Variants in PRICKLE2 observed in about 807,000 individuals in gnomAD.
The protein encoded by PRICKLE2 is prickle-like protein 2.
A neutral mutation model predicts 81.4 loss-of-function variants in PRICKLE2; 21 were observed. The observed-to-expected ratio is 0.26, with a 90% CI of 0.18 to 0.37. The LOEUF (loss-of-function observed/expected upper bound fraction) is 0.37, where lower values mean the gene tolerates loss of function less well. PRICKLE2 is among the 10% of genes least tolerant of loss of function. The pLI is 1.00. For synonymous variants in PRICKLE2, 456 were observed against 421.5 expected (o/e 1.08, Z -1.00); for missense variants, 940 against 1,109.0 (o/e 0.85, Z 2.16).
chr3:64,122,494 T>G (rs1026884156), intron 7 of PRICKLE2, among the ~76,000 whole-genome samples: 3 of 152,176 alleles, frequency 2.0e-5, no homozygotes, highest in Non-Finnish European at 4.4e-5. Context: ...TTCAGTTGAT[T>G]TTGATGCCTT....
chr3:64,208,410 C>T (rs561069189), intron 1 of PRICKLE2, among the ~76,000 whole-genome samples: 5 of 152,292 alleles, frequency 3.3e-5, no homozygotes, highest in South Asian at 2.1e-4. Flanking sequence ...ATACATCCCT[C>T]GCAAAAGGGG....
chr3:64,206,833 G>A (rs2078696102), intron 1 of PRICKLE2, among the ~76,000 whole-genome samples: 1 of 152,180 alleles, frequency 6.6e-6, no homozygotes, highest in Admixed American at 6.5e-5. Context: ...GCTCTCCATT[G>A]CTTTTTGCTA....
intron 2 of PRICKLE2, among the ~76,000 whole-genome samples, chr3:64,170,724 AAC>A (rs1491155817): frequency 1.3e-5 from 2 of 150,742 alleles, no homozygotes; most frequent in African/African-American, 4.9e-5. Flanking sequence ...AAAAAAAAAA[AAC>A]AGCCTGGCTG....
At chr3:64,219,403 T>C (rs1200371334) in intron 1 of PRICKLE2, among the ~76,000 whole-genome samples, 1 of 152,186 alleles carries the variant, frequency 6.6e-6, no homozygotes, top group Non-Finnish European at 1.5e-5. Context: ...CTCTCCGAAC[T>C]CCCATCTCTC....
intron 7 of PRICKLE2, among the ~76,000 whole-genome samples, chr3:64,123,212 T>C (rs1320598478): frequency 6.6e-6 from 1 of 152,054 alleles, no homozygotes; most frequent in Non-Finnish European, 1.5e-5. Flanking sequence ...TATGGAAAAA[T>C]CAAAGTATCC....
intron 2 of PRICKLE2, among the ~76,000 whole-genome samples, chr3:64,167,710 A>T (rs2077858547): frequency 6.6e-6 from 1 of 152,150 alleles, no homozygotes; most frequent in African/African-American, 2.4e-5. Context: ...AAAGTGTATG[A>T]AAAGTAAGCT....
intron 3 of PRICKLE2, among the ~76,000 whole-genome samples, chr3:64,162,737 T>C (rs1020246489): frequency 4.6e-5 from 7 of 152,206 alleles, no homozygotes; most frequent in East Asian, 3.8e-4. Flanking sequence ...CTTGGAATCA[T>C]AGCTTTTGAA....
intron 7 of PRICKLE2, among the ~76,000 whole-genome samples, chr3:64,143,040 T>C (rs1559535566): frequency 6.6e-6 from 1 of 152,202 alleles, no homozygotes; most frequent in Non-Finnish European, 1.5e-5. Flanking sequence ...TTAGGGCTCA[T>C]GTAAGAACTT....
chr3:64,148,848 G>C (rs1338873477), intron 6 of PRICKLE2, among the ~76,000 whole-genome samples: 1 of 152,188 alleles, frequency 6.6e-6, no homozygotes, highest in Non-Finnish European at 1.5e-5. Context: ...CCAGCTTTCA[G>C]AACTGTCAGC....
At chr3:64,265,005 A>G (rs1163003104) in intron 2 of PRICKLE2, among the ~76,000 whole-genome samples, 3 of 152,166 alleles carry the variant, frequency 2.0e-5, no homozygotes, top group Non-Finnish European at 2.9e-5. Context: ...TGAGTCCCAC[A>G]GTACCTGCGT....
At chr3:64,173,059 A>T (rs191677811) in intron 2 of PRICKLE2, among the ~76,000 whole-genome samples, 3 of 152,340 alleles carry the variant, frequency 2.0e-5, no homozygotes, top group Non-Finnish European at 4.4e-5. Context: ...GTGGGGAAAG[A>T]ACACACACAT....
chr3:64,171,058 G>A (rs1425468396), intron 2 of PRICKLE2, among the ~76,000 whole-genome samples: 1 of 152,050 alleles, frequency 6.6e-6, no homozygotes, highest in African/African-American at 2.4e-5. Context: ...CAGGTCTTGT[G>A]CTCACAATGA....
At chr3:64,193,850 C>T (rs1026790146) in intron 2 of PRICKLE2, among the ~76,000 whole-genome samples, 2 of 152,208 alleles carry the variant, frequency 1.3e-5, no homozygotes, top group African/African-American at 4.8e-5. Flanking sequence ...CTCCTCCTTG[C>T]TTTCTGCCAT....
chr3:64,147,173 G>A lies in PRICKLE2; in HGVS notation c.1317C>T (p.Pro439=), dbSNP rs745530308. 5.0e-6 allele frequency: 8 copies of A among 1,613,808 alleles called. No individual in the cohort carries two copies. The highest frequency in any genetic ancestry group is 2.7e-5 in the African/African-American group (2 of 74,858). ...SPGGQGAGAQ[P]EMWGKHFSNP... is the part of the protein sequence containing the mutation. ...TGCTGAAGTGCTTGCCCCACATTTC[G>A]GGCTGGGCCCCAGCCCCTTGCCCTC... Residue 439 remains proline, a synonymous_variant, in exon 7 of 8, where the codon CCC becomes CCT. Transcript: ENST00000638394. The surrounding 1 kb of genome is among the most constrained non-coding windows in gnomAD (Gnocchi z 5.0).
intron 2 of PRICKLE2, among the ~76,000 whole-genome samples, chr3:64,248,558 A>G (rs2079393870): frequency 6.6e-6 from 1 of 152,152 alleles, no homozygotes; most frequent in Admixed American, 6.5e-5. Flanking sequence ...CACCATTCAC[A>G]TCAAAGGAGT....
intron 2 of PRICKLE2, among the ~76,000 whole-genome samples, chr3:64,242,335 G>C (rs1478894568): frequency 3.3e-5 from 5 of 152,146 alleles, no homozygotes; most frequent in African/African-American, 1.2e-4. Flanking sequence ...ATATCCAACT[G>C]CACATTTTCC....
At chr3:64,170,338 T>C (rs1257950434) in intron 2 of PRICKLE2, among the ~76,000 whole-genome samples, 1 of 152,202 alleles carries the variant, frequency 6.6e-6, no homozygotes, top group Non-Finnish European at 1.5e-5. Context: ...TGATGTCTAA[T>C]TCAACAGTGA....
chr3:64,204,050 T>C (rs1007246563), intron 1 of PRICKLE2, among the ~76,000 whole-genome samples: 3 of 151,950 alleles, frequency 2.0e-5, no homozygotes, highest in African/African-American at 7.3e-5. Flanking sequence ...CCCAAATAAC[T>C]ATCAAGCACT....
intron 7 of PRICKLE2, among the ~76,000 whole-genome samples, chr3:64,135,025 G>A (rs532584677): frequency 3.9e-5 from 6 of 152,352 alleles, no homozygotes; most frequent in Admixed American, 3.9e-4. Flanking sequence ...CAGAGTCACT[G>A]CTAGGGATGG....
Sources: gnomAD v4.1 joint callset for allele counts (sites outside exome capture counted in the v4.1 genomes callset) on GRCh38, gnomAD v4.1.1 for gene constraint, Gnocchi (gnomAD v3.1) non-coding constraint, MANE v1.5 for transcripts, NCBI Gene and HGNC (gene_info 2026-07-23, HGNC 2026-07-21) for gene names.